UBE2E2: variants seen among roughly 807,000 people sequenced by gnomAD.
The protein encoded by UBE2E2 is ubiquitin-conjugating enzyme E2 E2.
In UBE2E2, 6 loss-of-function variants were observed where a neutral mutation model predicts 24.7. The ratio of observed to expected loss-of-function variants is 0.24; its 90% CI spans 0.13 to 0.48. The LOEUF is 0.48. Among genes scored for constraint, UBE2E2 ranks in the 20% least tolerant of loss-of-function variants. UBE2E2 has a pLI of 0.99. For missense variants in UBE2E2, 169 were observed against 245.0 expected (o/e 0.69, Z 2.07); for synonymous variants, 104 against 83.6 (o/e 1.24, Z -1.33).
rs1423228310 is a variant in UBE2E2 at position 23,353,271 on chromosome 3, C to G, written c.227+135959C>G. Among the ~76,000 whole-genome samples, 14 of 151,934 alleles carry G rather than the reference C, an allele frequency of 9.2e-5. No individual in the cohort carries two copies. The East Asian group carries it at 9.6e-4, about 10-fold the overall frequency. On this transcript the variant is annotated intron_variant, in intron 3 of 5. Transcript: ENST00000396703. ...AGAGCTATCTATGACAAACCCACAGCCAATATCATACTGAATGGGCAAAAA... is the reference window on the plus strand; with the variant it reads ...AGAGCTATCTATGACAAACCCACAGGCAATATCATACTGAATGGGCAAAAA...
intron 3 of UBE2E2, among the ~76,000 whole-genome samples, chr3:23,352,383 C>T (rs913204087): frequency 3.9e-5 from 6 of 152,086 alleles, no homozygotes; most frequent in Non-Finnish European, 2.9e-5. Flanking sequence ...TAACTAAAAT[C>T]AGAGCAGAAC....
upstream of UBE2E2, chr3:23,203,127 G>C (rs1696002117): frequency 1.0e-6 from 1 of 982,934 alleles, no homozygotes; most frequent in Admixed American, 6.2e-5. Context: ...CGCGCGGACG[G>C]CCGGGCGGCG....
At chr3:23,475,346 C>T (rs1341092539) in intron 3 of UBE2E2, among the ~76,000 whole-genome samples, 1 of 152,046 alleles carries the variant, frequency 6.6e-6, no homozygotes, top group East Asian at 1.9e-4. Flanking sequence ...ACCTGGCTGG[C>T]ATCTGCAGAT....
At chr3:23,528,342 A>G (rs1361014631) in intron 4 of UBE2E2, among the ~76,000 whole-genome samples, 5 of 152,192 alleles carry the variant, frequency 3.3e-5, no homozygotes, top group East Asian at 1.9e-4. Flanking sequence ...CTGCCAAGCT[A>G]CTGGTTTAGC....
At chr3:23,263,321 G>A (rs948444861) in intron 3 of UBE2E2, among the ~76,000 whole-genome samples, 2 of 152,170 alleles carry the variant, frequency 1.3e-5, no homozygotes, top group Non-Finnish European at 2.9e-5. Flanking sequence ...TGAAGATACT[G>A]TATTTAACTA....
chr3:23,337,893 A>G (rs370288905), intron 3 of UBE2E2, among the ~76,000 whole-genome samples: 2 of 152,162 alleles, frequency 1.3e-5, no homozygotes, highest in African/African-American at 2.4e-5. Context: ...TAGTTTGTCT[A>G]TTTAAAGGCT....
At chr3:23,344,789 G>C (rs971853503) in intron 3 of UBE2E2, among the ~76,000 whole-genome samples, 2 of 150,406 alleles carry the variant, frequency 1.3e-5, no homozygotes, top group Non-Finnish European at 2.9e-5. Context: ...GGAGGATTGT[G>C]CCCAGGTGAC....
intron 3 of UBE2E2, among the ~76,000 whole-genome samples, chr3:23,349,336 C>G (rs1356577663): frequency 6.6e-6 from 1 of 152,198 alleles, no homozygotes; most frequent in Non-Finnish European, 1.5e-5. Context: ...GCATTTCCAT[C>G]TGAGGTACTG....
chr3:23,427,931 C>G (rs969728106), intron 3 of UBE2E2, among the ~76,000 whole-genome samples: 1 of 152,142 alleles, frequency 6.6e-6, no homozygotes, highest in African/African-American at 2.4e-5. Context: ...CAAAAACTTA[C>G]AGAACTATAA....
chr3:23,572,874 A>C (rs1444186254), intron 5 of UBE2E2, among the ~76,000 whole-genome samples: 1 of 152,180 alleles, frequency 6.6e-6, no homozygotes, highest in Non-Finnish European at 1.5e-5. Flanking sequence ...TTGGTAGAAC[A>C]ATCTATTTTC....
intron 3 of UBE2E2, among the ~76,000 whole-genome samples, chr3:23,379,650 G>A (rs1696616200): frequency 6.6e-6 from 1 of 151,930 alleles, no homozygotes; most frequent in Non-Finnish European, 1.5e-5. Flanking sequence ...ATCATTGTTG[G>A]ACATTTGGGT....
In UBE2E2 at chr3:23,458,389, C is replaced by CGATGGTGGTGGT. The variant is rs1392783572; in HGVS notation, c.228-41218_228-41217insATGGTGGTGGTG. On this transcript the variant is annotated intron_variant, in intron 3 of 5. Transcript: ENST00000396703. Reference sequence around the variant, plus strand: ...ATCAACAATCACTGATCAGAGAGATCGCTGGTGGTGGTGGTGGTGGTGGTG... The same window carrying CGATGGTGGTGGT: ...ATCAACAATCACTGATCAGAGAGATCGATGGTGGTGGTGCTGGTGGTGGTGGTGGTGGTGGTG... Among the ~76,000 whole-genome samples the CGATGGTGGTGGT allele has an allele frequency of 2.4e-4, 11 of 45,914 alleles. No homozygotes were observed. The African/African-American group carries it at 2.5e-3, about 11-fold the overall frequency. The allele number at this position is 45,914 out of a possible 152,430, so 30.1% of individuals were successfully genotyped here.
At chr3:23,381,510 T>C (rs1012558005) in intron 3 of UBE2E2, among the ~76,000 whole-genome samples, 1 of 152,160 alleles carries the variant, frequency 6.6e-6, no homozygotes, top group African/African-American at 2.4e-5. Context: ...TCTAAGGTAA[T>C]GGGTGTGTGT....
At chr3:23,345,092 C>T (rs1223102333) in intron 3 of UBE2E2, among the ~76,000 whole-genome samples, 2 of 152,122 alleles carry the variant, frequency 1.3e-5, no homozygotes, top group African/African-American at 2.4e-5. Context: ...CACTTATTTG[C>T]ACATTTCTAG....
At chr3:23,511,477 C>G (rs1694592830) in intron 4 of UBE2E2, among the ~76,000 whole-genome samples, 1 of 152,162 alleles carries the variant, frequency 6.6e-6, no homozygotes, top group African/African-American at 2.4e-5. Flanking sequence ...GTTCAGCCAA[C>G]AGCTTAATAG....
intron 3 of UBE2E2, among the ~76,000 whole-genome samples, chr3:23,386,656 G>T (rs1268221108): frequency 6.6e-6 from 1 of 152,160 alleles, no homozygotes; most frequent in Non-Finnish European, 1.5e-5. Context: ...GCATATTGAA[G>T]TGAATTTTTA....
At chr3:23,399,485 C>T (rs1223264507) in intron 3 of UBE2E2, among the ~76,000 whole-genome samples, 2 of 152,122 alleles carry the variant, frequency 1.3e-5, no homozygotes, top group Admixed American at 6.5e-5. Context: ...TCATGCTACT[C>T]AAAATGGTGT....
At chr3:23,426,341 A>G (rs2359766) in intron 3 of UBE2E2, among the ~76,000 whole-genome samples, 23,284 of 151,636 alleles carry the variant, frequency 0.15, 1,992 homozygotes, top group South Asian at 0.24. Context: ...AGCAGGAACA[A>G]CAGAAATTTT....
At chr3:23,354,854 T>G (rs1358427411) in intron 3 of UBE2E2, among the ~76,000 whole-genome samples, 2 of 152,316 alleles carry the variant, frequency 1.3e-5, no homozygotes, top group East Asian at 3.9e-4. Flanking sequence ...AGACATACCA[T>G]TTGACCCAGC....
Sources: allele counts gnomAD v4.1 joint callset (sites outside exome capture counted in the v4.1 genomes callset), GRCh38; gene constraint gnomAD v4.1.1; transcripts MANE v1.5; gene names NCBI Gene and HGNC (gene_info 2026-07-23, HGNC 2026-07-21).